The following ZNF687 variants were observed in gnomAD, a reference collection of about 807,000 sequenced individuals.
ZNF687 encodes zinc finger protein 687.
A neutral mutation model predicts 71.8 loss-of-function variants in ZNF687; 13 were observed. The observed-to-expected ratio is 0.18, with a 90% CI of 0.12 to 0.29. ZNF687 has a LOEUF of 0.29. ZNF687 is among the 10% of genes least tolerant of loss of function. The probability of loss-of-function intolerance (pLI) is 1.00; values close to 1 mark genes in which losing one functional copy is unlikely to be tolerated. For missense variants in ZNF687, 1,412 were observed against 1,625.6 expected (o/e 0.87, Z 2.26); for synonymous variants, 673 against 641.6 (o/e 1.05, Z -0.74).
Position 151,286,271 on chromosome 1 carries a change from T to C in ZNF687, c.-17-4T>C. 6 of 1,521,128 alleles carry C rather than the reference T, an allele frequency of 3.9e-6. No homozygotes were observed. The highest frequency in any genetic ancestry group is 5.3e-6 in the Non-Finnish European group (6 of 1,136,116). 94.2% of individuals were successfully genotyped at this position (1,521,128 alleles called of 1,614,324 possible). A position where few individuals can be genotyped will look rare whatever the true frequency, so the allele number is the denominator to read the frequency against. ...TTTCTCCTCCTCGTTCCTGTTTTCA[T>C]CAGGTCTGGGATCTGCCGATATGGG... is the stretch of plus-strand genomic sequence containing the variant. On this transcript the variant is annotated splice_region_variant and splice_polypyrimidine_tract_variant and intron_variant, in intron 1 of 8. Transcript: ENST00000336715.
In ZNF687 at chr1:151,287,770, C is replaced by T. The variant is rs778967186; in HGVS notation, c.1479C>T (p.Thr493=). 1.9e-6 allele frequency: 3 copies of T among 1,614,142 alleles called. No homozygotes were observed. Among genetic ancestry groups the T allele is most frequent in the Non-Finnish European group, 2.5e-6 (3 of 1,180,038 alleles). ...STGGGTVISR[T]QSSLVEAFNK... ...GGGGCGGCACAGTGATATCACGGAC[C>T]CAGTCCAGCCTGGTGGAGGCCTTCA... Residue 493 remains threonine, a synonymous_variant, in exon 2 of 9, where the codon ACC becomes ACT. Transcript: ENST00000336715. The surrounding 1 kb of genome is among the most constrained non-coding windows in gnomAD (Gnocchi z 5.0).
upstream of ZNF687, chr1:151,282,155 T>C: frequency 1.7e-6 from 2 of 1,182,496 alleles, no homozygotes; most frequent in South Asian, 3.1e-5. Context: ...AGCGGCAGTA[T>C]TTAGGGCCAA....
rs1177839670 is a variant in ZNF687, at chr1:151,290,883, GTGGA to G, written c.3389_3392del (p.Val1130GlyfsTer20). 1 of 1,614,092 alleles carries G rather than the reference GTGGA, an allele frequency of 6.2e-7. No homozygotes were observed. Among genetic ancestry groups the G allele is most frequent in the Non-Finnish European group, 8.5e-7 (1 of 1,180,016 alleles). ...ACAGAGCCTCATGATGGGGTTGAGG[GTGGA>G]GGATGGTGCCCAGCAGTGCCTCGAC... On this transcript the variant is annotated frameshift_variant, in exon 9 of 9. Coordinates refer to ENST00000336715, the MANE Select transcript of ZNF687 (RefSeq NM_020832.3). LOFTEE classifies it high-confidence loss of function.
In ZNF687 at chr1:151,290,837, C is replaced by T; in HGVS notation, c.3342C>T (p.Tyr1114=). The stretch of plus-strand genomic sequence containing the variant: ...CTGGAGGCCATGGCCCTCTGCGCTA[C>T]CGGAGCAGCAGCTCCACAGAACAGA... ...PGSGGHGPLR[Y]RSSSSTEQSL... The change falls in exon 9 of 9, where the codon TAC becomes TAT. Residue 1114 remains tyrosine (Y), a synonymous_variant. Coordinates refer to ENST00000336715, the MANE Select transcript of ZNF687 (RefSeq NM_020832.3). 6.2e-7 allele frequency: 1 copy of T among 1,614,004 alleles called. No individual in the cohort carries two copies. The highest frequency in any genetic ancestry group is 8.5e-7 in the Non-Finnish European group (1 of 1,180,020).
At chr1:151,284,802 CTTTTTTTTTTTTTT>C (rs869269504) in intron 1 of ZNF687, among the ~76,000 whole-genome samples, 3 of 56,418 alleles carry the variant, frequency 5.3e-5, no homozygotes, top group African/African-American at 1.6e-4. Flanking sequence ...CTTGTCTTGT[CTTTTTTTTTTTTTT>C]TTTTTTTTTT....
At chr1:151,288,884 G>T (rs587618994) in intron 3 of ZNF687, among the ~76,000 whole-genome samples, 178 bp downstream of exon 3, 1 of 152,168 alleles carries the variant, frequency 6.6e-6, no homozygotes, top group African/African-American at 2.4e-5. Context: ...GAGATGGGGG[G>T]AAGCAGGGCC....
chr1:151,285,734 A>T (rs1487631042), intron 1 of ZNF687: 1 of 150,902 alleles, frequency 6.6e-6, no homozygotes, highest in Non-Finnish European at 1.5e-5. Context: ...TTTTTTTGAG[A>T]CAGGGTCTCG....
Position 151,290,824 on chromosome 1 carries a change from G to A in ZNF687, c.3329G>A (p.Gly1110Asp). 1 of 1,613,922 alleles carries A rather than the reference G, an allele frequency of 6.2e-7. No homozygotes were observed. Among genetic ancestry groups the A allele is most frequent in the Non-Finnish European group, 8.5e-7 (1 of 1,180,018 alleles). Reference protein sequence around the residue: ...PRGGPGSGGHGPLRYRSSSST... With the variant: ...PRGGPGSGGHDPLRYRSSSST... ...GGCGGACCTGGATCTGGAGGCCATGGCCCTCTGCGCTACCGGAGCAGCAGC... is the reference window on the plus strand; with the variant it reads ...GGCGGACCTGGATCTGGAGGCCATGACCCTCTGCGCTACCGGAGCAGCAGC... Residue 1110 changes from glycine (G) to aspartate (D), a missense_variant, in exon 9 of 9, where the codon GGC (glycine) becomes GAC (aspartate). Gly to Asp is a moderately conservative substitution (Grantham distance 94). Around this residue, in one of 8 missense-constraint regions of ZNF687, gnomAD observed 284 missense variants for 359.2 expected, o/e 0.79. Transcript: ENST00000336715.
upstream of ZNF687, chr1:151,282,286 A>T (rs1557764762): frequency 2.0e-6 from 2 of 1,003,682 alleles, no homozygotes; most frequent in Non-Finnish European, 2.4e-6. Context: ...GGGAGGCCGA[A>T]CCGGAGAGAA....
At position 151,286,819 on chromosome 1, in the gene ZNF687, G is replaced by A. The variant is rs1030920285; in HGVS notation, c.528G>A (p.Pro176=). The change falls in exon 2 of 9, where the codon CCG becomes CCA. Residue 176 remains proline, a synonymous_variant. Coordinates refer to ENST00000336715, the MANE Select transcript of ZNF687 (RefSeq NM_020832.3). ...CTGAGCCAGGGGACCACTCAGATCC[G>A]CTGCCTCCCTCTGCACCCTCTCCCA... ...FGPEPGDHSD[P]LPPSAPSPTR... 3.7e-6 allele frequency: 6 copies of A among 1,614,136 alleles called. No individual in the cohort carries two copies. The highest frequency in any genetic ancestry group is 4.5e-5 in the East Asian group (2 of 44,876).
chr1:151,282,841 C>A (rs745475491), intron 1 of ZNF687, among the ~76,000 whole-genome samples: 2 of 152,116 alleles, frequency 1.3e-5, no homozygotes, highest in Non-Finnish European at 2.9e-5. Flanking sequence ...CCCCTGCGCA[C>A]CCCCCGATCA....
rs368739112 is a variant in ZNF687 at position 151,289,857 on chromosome 1, C to G, written c.2814C>G (p.Pro938=). The change falls in exon 6 of 9, where the codon CCC becomes CCG. Residue 938 remains proline, a synonymous_variant. Coordinates refer to ENST00000336715, the MANE Select transcript of ZNF687 (RefSeq NM_020832.3). ...AAGTACCCAGCTCCCCTGAGCCCCC[C>G]CGTCCAGCCAAACGGCCTCGGCGGG... ...EEEVPSSPEP[P]RPAKRPRREL... The G allele has an allele frequency of 8.3e-6, 13 of 1,567,806 alleles. No individual in the cohort carries two copies. The East Asian group carries it at 1.7e-4, about 20-fold the overall frequency.
At chr1:151,290,064 G>A (rs1369843383) in intron 6 of ZNF687, 57 bp downstream of exon 6, 20 of 1,608,730 alleles carry the variant, frequency 1.2e-5, no homozygotes, top group Admixed American at 5.0e-5. Context: ...GACTGCCAGT[G>A]TGACAGTGGG....
rs189527921 is a variant in ZNF687, at chr1:151,288,714, G to T, written c.2294+8G>T. The T allele has an allele frequency of 6.2e-7, 1 of 1,607,088 alleles. No homozygotes were observed. Among genetic ancestry groups the T allele is most frequent in the African/African-American group, 1.3e-5 (1 of 74,874 alleles). ...TCGCCGTGTAGGATACAGGTGCCTC[G>T]GACCCTTCCTCCATAGAACTGTAGG... is the stretch of plus-strand genomic sequence containing the variant. On this transcript the variant is annotated splice_region_variant and intron_variant, in intron 3 of 8. Transcript: ENST00000336715.
At position 151,287,952 on chromosome 1, in the gene ZNF687, G is replaced by A; in HGVS notation, c.1661G>A (p.Arg554His). The change falls in exon 2 of 9, where the codon CGT (arginine) becomes CAT (histidine). Residue 554 changes from arginine (R) to histidine (H), a missense_variant. By Grantham distance (29) the Arg-to-His change is conservative. This residue lies in a region of ZNF687 where 50 missense variants were observed against 106.6 expected (regional missense o/e 0.47). Transcript: ENST00000336715. This position sits in a 1 kb window ranked among gnomAD's most constrained non-coding sequence, Gnocchi z 5.0. ...AAGAGCCTGGCACGGCACTATGACC[G>A]TCGGAGCATGCGCATCGAGGTCACC... ...LEKSLARHYDRRSMRIEVTCN... is the reference protein window; with the variant it reads ...LEKSLARHYDHRSMRIEVTCN... 6.2e-7 allele frequency: 1 copy of A among 1,613,842 alleles called. No homozygotes were observed.
rs776773802 is a variant in ZNF687 at position 151,286,845 on chromosome 1, C to T, written c.554C>T (p.Thr185Ile). 1 of 1,614,002 alleles carries T rather than the reference C, an allele frequency of 6.2e-7. No homozygotes were observed. The highest frequency in any genetic ancestry group is 1.1e-5 in the South Asian group (1 of 91,060). The change falls in exon 2 of 9, where the codon ACT becomes ATT. Residue 185 changes from threonine (T) to isoleucine (I), a missense_variant. Thr to Ile is a moderately conservative substitution (Grantham distance 89, BLOSUM62 -1). Transcript: ENST00000336715. ...DPLPPSAPSP[T>I]REGALTPPPF... The stretch of plus-strand genomic sequence containing the variant: ...CTGCCTCCCTCTGCACCCTCTCCCA[C>T]TCGGGAGGGGGCTCTGACCCCGCCT...
At chr1:151,281,871 G>T, upstream of ZNF687, 1 of 447,014 alleles carries the variant, frequency 2.2e-6, no homozygotes, top group South Asian at 2.0e-5. Flanking sequence ...ACAGAAGCTG[G>T]GTTCCTTACA....
In ZNF687 at chr1:151,288,019, C is replaced by T. The variant is rs762209824; in HGVS notation, c.1728C>T (p.Cys576=). 1 of 1,614,080 alleles carries T rather than the reference C, an allele frequency of 6.2e-7. No homozygotes were observed. Among genetic ancestry groups the T allele is most frequent in the Non-Finnish European group, 8.5e-7 (1 of 1,180,040 alleles). Residue 576 remains cysteine (C), a synonymous_variant, in exon 2 of 9, where the codon TGC becomes TGT. Coordinates refer to ENST00000336715, the MANE Select transcript of ZNF687 (RefSeq NM_020832.3). ...GCCGCCTGGTCTTCTTCAACAAGTG[C>T]AGCCTGCTCCTGCATGCACGTGAAC... is the stretch of plus-strand genomic sequence containing the variant. The part of the protein sequence containing the change: ...CARRLVFFNK[C]SLLLHAREHK...
rs774834607 is a variant in ZNF687, at chr1:151,290,979, C to T, written c.3484C>T (p.Arg1162Trp). The change falls in exon 9 of 9, where the codon CGG (arginine) becomes TGG (tryptophan). Residue 1162 changes from arginine (R) to tryptophan (W), a missense_variant. Around this residue, in one of 8 missense-constraint regions of ZNF687, gnomAD observed 284 missense variants for 359.2 expected, o/e 0.79. Coordinates refer to ENST00000336715, the MANE Select transcript of ZNF687 (RefSeq NM_020832.3). ...RHRFISHKKR[R>W]GVGKASALGL... is the part of the protein sequence containing the mutation. ...CCGTTTCATCAGCCACAAGAAGAGA[C>T]GGGGTGTGGGTAAAGCCAGTGCCCT... 1.2e-5 allele frequency: 20 copies of T among 1,613,762 alleles called. No individual in the cohort carries two copies. Among genetic ancestry groups the T allele is most frequent in the South Asian group, 2.2e-5 (2 of 91,082 alleles).
Sources: allele counts gnomAD v4.1 joint callset (sites outside exome capture counted in the v4.1 genomes callset), GRCh38; gene constraint gnomAD v4.1.1; regional missense constraint gnomAD v4.1.1; non-coding constraint Gnocchi (gnomAD v3.1); transcripts MANE v1.5; gene names NCBI Gene and HGNC (gene_info 2026-07-23, HGNC 2026-07-21).